Variants in TMEM135 observed in about 807,000 individuals in gnomAD.
The protein encoded by TMEM135 is peroxisomal membrane protein 52.
A neutral mutation model predicts 60.3 loss-of-function variants in TMEM135; 30 were observed. The observed-to-expected ratio is 0.50, with a 90% CI of 0.37 to 0.68. TMEM135 has a LOEUF of 0.68. Ranked by LOEUF, TMEM135 falls within the 30% of genes least tolerant of loss-of-function variation. The probability of loss-of-function intolerance (pLI) is 0.00; values close to 1 mark genes in which losing one functional copy is unlikely to be tolerated. For missense variants in TMEM135, 468 were observed against 548.8 expected, an observed-to-expected ratio of 0.85 and a Z score of 1.47; for synonymous variants, 190 against 186.7, an observed-to-expected ratio of 1.02 and a Z score of -0.14.
chr11:87,060,149 T>C lies in TMEM135; in HGVS notation c.142-7545T>C, dbSNP rs115327820. On this transcript the variant is annotated intron_variant, in intron 1 of 14. Transcript: ENST00000305494. ...AGAAAAAAAGTAAATCTTATAGATC[T>C]TGGACAAGGAAGAGGGTAAAGTTAA... is the stretch of plus-strand genomic sequence containing the variant. 1.8e-3 allele frequency among the ~76,000 whole-genome samples: 279 copies of C among 152,328 alleles called. 1 individual carries two copies. Among genetic ancestry groups the C allele is most frequent in the African/African-American group, 6.4e-3 (265 of 41,582 alleles).
At chr11:87,148,787 A>G (rs748572323) in intron 4 of TMEM135, among the ~76,000 whole-genome samples, 8 of 152,304 alleles carry the variant, frequency 5.3e-5, no homozygotes, top group African/African-American at 1.9e-4. Context: ...TTCTTAATAA[A>G]AATTTCTGAG....
chr11:87,264,549 T>A (rs1385675075), intron 6 of TMEM135, among the ~76,000 whole-genome samples: 4 of 151,936 alleles, frequency 2.6e-5, no homozygotes, highest in Admixed American at 6.6e-5. Context: ...TAATCGCTCC[T>A]GATCTTTTAT....
intron 6 of TMEM135, among the ~76,000 whole-genome samples, chr11:87,249,089 T>C (rs1941358222): frequency 6.6e-6 from 1 of 152,222 alleles, no homozygotes; most frequent in African/African-American, 2.4e-5. Context: ...CATTTCTGTC[T>C]CTTGTCTGAT....
At chr11:87,182,758 G>A (rs1350099902) in intron 5 of TMEM135, among the ~76,000 whole-genome samples, 1 of 151,928 alleles carries the variant, frequency 6.6e-6, no homozygotes, top group East Asian at 1.9e-4. Flanking sequence ...TAATAAATGA[G>A]CTATGGTTTC....
At chr11:87,240,281 G>C (rs755619925) in intron 6 of TMEM135, among the ~76,000 whole-genome samples, 2 of 151,952 alleles carry the variant, frequency 1.3e-5, no homozygotes, top group African/African-American at 2.4e-5. Context: ...CTTCATAATA[G>C]TTTTACATCC....
intron 6 of TMEM135, among the ~76,000 whole-genome samples, chr11:87,272,604 G>T (rs764031151): frequency 4.0e-5 from 6 of 151,612 alleles, no homozygotes; most frequent in Non-Finnish European, 7.4e-5. Flanking sequence ...GGGACTATAG[G>T]TGTGTGCCAC....
intron 3 of TMEM135, among the ~76,000 whole-genome samples, chr11:87,079,843 C>CTTTT (rs139184730): frequency 8.3e-5 from 9 of 107,886 alleles, no homozygotes; most frequent in East Asian, 5.8e-4. Context: ...CTTTTCTTTT[C>CTTTT]TTTTTTTTTT....
At chr11:87,250,359 C>G (rs1452917302) in intron 6 of TMEM135, among the ~76,000 whole-genome samples, 2 of 151,918 alleles carry the variant, frequency 1.3e-5, no homozygotes, top group East Asian at 1.9e-4. Flanking sequence ...TTTTCTAGTT[C>G]TTTAAGATGC....
chr11:87,260,185 T>C (rs1276368833), intron 6 of TMEM135, among the ~76,000 whole-genome samples: 2 of 152,236 alleles, frequency 1.3e-5, no homozygotes, highest in Admixed American at 1.3e-4. Context: ...CTTATCAGGT[T>C]AGATTTCTTT....
chr11:87,163,259 T>A (rs1039460684), intron 5 of TMEM135, among the ~76,000 whole-genome samples: 7 of 140,144 alleles, frequency 5.0e-5, no homozygotes, highest in Non-Finnish European at 9.2e-5. Context: ...CATTGTTCAA[T>A]TCCCACCTAT....
intron 4 of TMEM135, among the ~76,000 whole-genome samples, chr11:87,104,245 T>C (rs574284061): frequency 6.6e-6 from 1 of 152,306 alleles, no homozygotes; most frequent in South Asian, 2.1e-4. Context: ...TGACCATAAC[T>C]GTGGGTTTAT....
intron 5 of TMEM135, among the ~76,000 whole-genome samples, chr11:87,182,602 G>A (rs1055084436): frequency 6.6e-6 from 1 of 152,020 alleles, no homozygotes; most frequent in Non-Finnish European, 1.5e-5. Flanking sequence ...TGACCTTAAT[G>A]TTAATATTAT....
At chr11:87,236,336 C>T (rs1940994790) in intron 5 of TMEM135, among the ~76,000 whole-genome samples, 1 of 151,768 alleles carries the variant, frequency 6.6e-6, no homozygotes, top group East Asian at 1.9e-4. Context: ...TTGAAATACA[C>T]TAACACTAAT....
chr11:87,308,026 G>A (rs1942580897), intron 9 of TMEM135, among the ~76,000 whole-genome samples: 1 of 152,042 alleles, frequency 6.6e-6, no homozygotes, highest in African/African-American at 2.4e-5. Context: ...ATCTAATATA[G>A]ATTGCCCTGT....
chr11:87,319,390 G>A lies in TMEM135; in HGVS notation c.1244+13G>A, dbSNP rs748691071. On this transcript the variant is annotated intron_variant, in intron 14 of 14. Coordinates refer to ENST00000305494, the MANE Select transcript of TMEM135 (RefSeq NM_022918.4). ...TCACCAAGGGCAAGTAAGTGACTACGTAGTTTTCTTAAAAATATTATGAGT... is the reference window on the plus strand; with the variant it reads ...TCACCAAGGGCAAGTAAGTGACTACATAGTTTTCTTAAAAATATTATGAGT... 5.6e-6 allele frequency: 9 copies of A among 1,595,576 alleles called. No individual in the cohort carries two copies. Among genetic ancestry groups the A allele is most frequent in the South Asian group, 2.2e-5 (2 of 90,558 alleles).
In TMEM135 at chr11:87,327,326, A is replaced by G. The variant is rs1295619876; in HGVS notation, c.*5993A>G. 4.4e-6 allele frequency: 2 copies of G among 454,054 alleles called. No individual in the cohort carries two copies. Among genetic ancestry groups the G allele is most frequent in the Non-Finnish European group, 8.8e-6 (2 of 226,792 alleles). The allele number at this position is 454,054 out of a possible 1,614,324, so 28.1% of individuals were successfully genotyped here. The stretch of plus-strand genomic sequence containing the variant: ...CTGTGGCAGCAATCTTGCAGACATG[A>G]AATGAAAAGTACAAACATGAAAAAC... On this transcript the variant is annotated 3_prime_UTR_variant, in exon 15 of 15. Coordinates refer to ENST00000305494, the MANE Select transcript of TMEM135 (RefSeq NM_022918.4).
chr11:87,102,235 T>G (rs1857473912), intron 4 of TMEM135, among the ~76,000 whole-genome samples: 1 of 152,212 alleles, frequency 6.6e-6, no homozygotes, highest in Non-Finnish European at 1.5e-5. Flanking sequence ...TACTTCCAAC[T>G]GATCAGCTAT....
At chr11:87,288,381 G>T (rs766614446) in intron 6 of TMEM135, among the ~76,000 whole-genome samples, 1 of 152,146 alleles carries the variant, frequency 6.6e-6, no homozygotes, top group Non-Finnish European at 1.5e-5. Context: ...ACCTTTGCAT[G>T]AAGAAGTTCC....
At chr11:87,292,581 G>GT (rs1942285289) in intron 6 of TMEM135, among the ~76,000 whole-genome samples, 2 of 150,278 alleles carry the variant, frequency 1.3e-5, no homozygotes, top group African/African-American at 4.9e-5. Flanking sequence ...TTACAATTGT[G>GT]TTTCATAGTT....
Sources: allele counts gnomAD v4.1 joint callset (sites outside exome capture counted in the v4.1 genomes callset), GRCh38; gene constraint gnomAD v4.1.1; transcripts MANE v1.5; gene names NCBI Gene and HGNC (gene_info 2026-07-23, HGNC 2026-07-21).